Variants in GALNT17 observed in about 807,000 individuals in gnomAD.
The protein encoded by GALNT17 is UDP-GalNAc:polypeptide N-acetylgalactosaminyltransferase-like 3.
A neutral mutation model predicts 63.7 loss-of-function variants in GALNT17; 29 were observed. The observed-to-expected ratio is 0.46, with a 90% confidence interval of 0.34 to 0.62. GALNT17 has a LOEUF of 0.62. GALNT17 is among the 20% of genes least tolerant of loss of function. The probability of loss-of-function intolerance (pLI) is 0.01; values close to 1 mark genes in which losing one functional copy is unlikely to be tolerated. For synonymous variants in GALNT17, 305 were observed against 318.3 expected (o/e 0.96, Z 0.45); for missense variants, 603 against 799.6 (o/e 0.75, Z 2.97).
chr7:71,627,326 G>A (rs1228639615), intron 6 of GALNT17, among the ~76,000 whole-genome samples: 1 of 152,170 alleles, frequency 6.6e-6, no homozygotes. Context: ...CCTTTCCAGG[G>A]GAGGATTGCT....
intron 5 of GALNT17, among the ~76,000 whole-genome samples, chr7:71,542,566 C>T (rs1330085154): frequency 6.6e-6 from 1 of 151,688 alleles, no homozygotes; most frequent in African/African-American, 2.4e-5. Context: ...TGTGGTGGCA[C>T]GTGCCTGTAG....
intron 2 of GALNT17, among the ~76,000 whole-genome samples, chr7:71,385,560 C>T (rs1792926984): frequency 6.6e-6 from 1 of 152,196 alleles, no homozygotes; most frequent in African/African-American, 2.4e-5. Flanking sequence ...CACTCTCCCA[C>T]ATGAGCTTTA....
rs1288369796 is a variant in GALNT17, at chr7:71,698,081, C to T, written c.1501-12680C>T. Among the ~76,000 whole-genome samples the T allele has an allele frequency of 6.1e-5, 9 of 148,572 alleles. No individual in the cohort carries two copies. In the East Asian group the frequency reaches 1.0e-3, roughly 16 times the overall value. ...GAGGTTACAGCGAGCCATGATCACG[C>T]CACTGCACTCCAGCCTGCGCGACAA... On this transcript the variant is annotated intron_variant, in intron 9 of 10. Transcript: ENST00000333538.
At chr7:71,370,747 T>C (rs1374653841) in intron 2 of GALNT17, among the ~76,000 whole-genome samples, 1 of 151,690 alleles carries the variant, frequency 6.6e-6, no homozygotes, top group Non-Finnish European at 1.5e-5. Flanking sequence ...GGATTACAGG[T>C]GTGAGCCACC....
chr7:71,464,571 C>T (rs1787505047), intron 5 of GALNT17, among the ~76,000 whole-genome samples: 1 of 152,174 alleles, frequency 6.6e-6, no homozygotes, highest in South Asian at 2.1e-4. Context: ...TCCCTCAGCA[C>T]AACCTTTAGA....
intron 9 of GALNT17, among the ~76,000 whole-genome samples, chr7:71,699,200 C>T (rs1388569620): frequency 7.9e-6 from 1 of 126,998 alleles, no homozygotes; most frequent in Non-Finnish European, 1.6e-5. Flanking sequence ...AAAAAAATGA[C>T]CAGGTGCAGT....
At chr7:71,281,650 T>C (rs554739853) in intron 1 of GALNT17, among the ~76,000 whole-genome samples, 63 of 152,340 alleles carry the variant, frequency 4.1e-4, no homozygotes, top group African/African-American at 1.5e-3. Flanking sequence ...TTTGTGATCA[T>C]ATCACTGAAT....
intron 9 of GALNT17, among the ~76,000 whole-genome samples, chr7:71,693,288 A>ACT: frequency 7.8e-6 from 1 of 128,794 alleles, no homozygotes; most frequent in Non-Finnish European, 1.6e-5. Flanking sequence ...ACACACACAC[A>ACT]CACACACACA....
intron 4 of GALNT17, 53 bp from the exon 5 acceptor site, chr7:71,420,855 G>A: frequency 6.3e-7 from 1 of 1,595,628 alleles, no homozygotes. Flanking sequence ...GTCTTGGGAG[G>A]TGTGCCTCAC....
At chr7:71,196,837 A>G (rs1356486653) in intron 1 of GALNT17, among the ~76,000 whole-genome samples, 3 of 151,924 alleles carry the variant, frequency 2.0e-5, no homozygotes, top group African/African-American at 4.8e-5. Context: ...TATTTTTAGT[A>G]GAGACGGGGT....
chr7:71,227,882 G>T (rs1396021494), intron 1 of GALNT17, among the ~76,000 whole-genome samples: 1 of 152,150 alleles, frequency 6.6e-6, no homozygotes, highest in East Asian at 1.9e-4. Flanking sequence ...CACAGGGCAA[G>T]ATTCTGCCGG....
At chr7:71,202,609 A>G (rs1350532390) in intron 1 of GALNT17, among the ~76,000 whole-genome samples, 1 of 152,236 alleles carries the variant, frequency 6.6e-6, no homozygotes, top group Non-Finnish European at 1.5e-5. Context: ...TCTAATTAAC[A>G]TGTCCATCAT....
At chr7:71,470,795 A>AT (rs1419137129) in intron 5 of GALNT17, among the ~76,000 whole-genome samples, 3 of 152,030 alleles carry the variant, frequency 2.0e-5, no homozygotes, top group Admixed American at 6.6e-5. Flanking sequence ...ATGCTATTGG[A>AT]TTTTTTTAAT....
chr7:71,270,685 C>A (rs147131687), intron 1 of GALNT17, among the ~76,000 whole-genome samples: 6 of 151,982 alleles, frequency 3.9e-5, no homozygotes, highest in Non-Finnish European at 5.9e-5. Context: ...CCTCTTCTGC[C>A]TCTTTCAGCA....
intron 1 of GALNT17, among the ~76,000 whole-genome samples, chr7:71,216,438 G>A (rs544542351): frequency 6.6e-6 from 1 of 152,262 alleles, no homozygotes; most frequent in East Asian, 1.9e-4. Flanking sequence ...CCCTGATGTG[G>A]TGACTCAGAT....
chr7:71,598,853 G>GAGAA (rs1398108342), intron 6 of GALNT17, among the ~76,000 whole-genome samples: 3 of 151,542 alleles, frequency 2.0e-5, no homozygotes, highest in Non-Finnish European at 4.4e-5. Flanking sequence ...TGAGTGCTAT[G>GAGAA]AGAAAGAACG....
chr7:71,192,358 A>T (rs550049218), intron 1 of GALNT17, among the ~76,000 whole-genome samples: 4 of 150,920 alleles, frequency 2.7e-5, no homozygotes, highest in African/African-American at 9.7e-5. Flanking sequence ...TTAAGTTGAC[A>T]CTCAATACTA....
Position 71,514,437 on chromosome 7 carries a change from A to G in GALNT17, c.963-56848A>G, listed in dbSNP as rs573071102. ...GAGGGCCCTTTTTGGGACCTGGGGT[A>G]CTGCTGTCCCCAGTGCCTTCCTTGA... On this transcript the variant is annotated intron_variant, in intron 5 of 10. Coordinates refer to ENST00000333538, the MANE Select transcript of GALNT17 (RefSeq NM_022479.3). Among the ~76,000 whole-genome samples the G allele has an allele frequency of 3.9e-5, 6 of 152,152 alleles. No homozygotes were observed. The East Asian group carries it at 9.7e-4, about 25-fold the overall frequency.
chr7:71,162,131 T>TCCTCCCTCCCTC lies in GALNT17; in HGVS notation c.238+29094_238+29095insCCCTCCCTCCCT, dbSNP rs1562875743. On this transcript the variant is annotated intron_variant, in intron 1 of 10. Transcript: ENST00000333538. ...TTCCTCCCTCCCTCCCTCCCTTCCT[T>TCCTCCCTCCCTC]CCTTCCTTCCTTCCTTCCTTCCTTC... Among the ~76,000 whole-genome samples, 387 of 119,810 alleles carry TCCTCCCTCCCTC rather than the reference T, an allele frequency of 3.2e-3. 14 individuals carry two copies. Among genetic ancestry groups the TCCTCCCTCCCTC allele is most frequent in the African/African-American group, 0.011 (354 of 31,320 alleles). 78.6% of individuals were successfully genotyped at this position (119,810 alleles called of 152,430 possible).
Sources: gnomAD v4.1 joint callset for allele counts (sites outside exome capture counted in the v4.1 genomes callset) on GRCh38, gnomAD v4.1.1 for gene constraint, MANE v1.5 for transcripts, NCBI Gene and HGNC (gene_info 2026-07-23, HGNC 2026-07-21) for gene names.